The following COL15A1 variants were observed in gnomAD, a reference collection of about 807,000 sequenced individuals.
COL15A1 encodes collagen type XV alpha 1 chain, also known as collagen alpha-1(XV) chain.
A neutral mutation model predicts 165.9 loss-of-function variants in COL15A1; 111 were observed. That is an observed-to-expected ratio of 0.67 (90% CI 0.57 to 0.78). The LOEUF (loss-of-function observed/expected upper bound fraction) is 0.78, where lower values mean the gene tolerates loss of function less well. COL15A1 is among the 30% of genes least tolerant of loss of function. The pLI is 0.00. For missense variants in COL15A1, 1,745 were observed against 1,789.7 expected (o/e 0.98, Z 0.45); for synonymous variants, 659 against 674.8 (o/e 0.98, Z 0.36).
intron 22 of COL15A1, among the ~76,000 whole-genome samples, chr9:99,039,203 G>A (rs1482846213): frequency 6.6e-6 from 1 of 152,202 alleles, no homozygotes; most frequent in African/African-American, 2.4e-5. Context: ...GGATTATAAT[G>A]TATATAAGAA....
intron 17 of COL15A1, 88 bp from the exon 18 acceptor site, chr9:99,034,926 A>G: frequency 8.6e-7 from 1 of 1,159,264 alleles, no homozygotes; most frequent in South Asian, 1.2e-5. Flanking sequence ...ATTAACTTCA[A>G]GGAGTGATTT....
chr9:98,984,663 A>G (rs1454856001), intron 2 of COL15A1, among the ~76,000 whole-genome samples: 4 of 152,222 alleles, frequency 2.6e-5, no homozygotes, highest in Non-Finnish European at 5.9e-5. Flanking sequence ...GTCAAAGGCG[A>G]TGACAATGAC....
In COL15A1 at chr9:99,061,977, G is replaced by A. The variant is rs1485170398; in HGVS notation, c.3409G>A (p.Ala1137Thr). ...GLPGSRNLVT[A>T]FSNMDDMLQK... ...AATTTAAATGATCTGACAGGTCACA[G>A]CATTCAGCAACATGGATGACATGCT... Residue 1137 changes from alanine (A) to threonine (T), a missense_variant, in exon 37 of 42, where the codon GCA becomes ACA. Transcript: ENST00000375001. 1 of 1,612,464 alleles carries A rather than the reference G, an allele frequency of 6.2e-7. No homozygotes were observed. Among genetic ancestry groups the A allele is most frequent in the Non-Finnish European group, 8.5e-7 (1 of 1,179,510 alleles).
chr9:99,059,791 A>G (rs980043694), intron 35 of COL15A1, 98 bp from the exon 36 acceptor site: 3 of 1,329,928 alleles, frequency 2.3e-6, no homozygotes, highest in African/African-American at 2.9e-5. Flanking sequence ...GGCGCTGTGA[A>G]TGGGGTTGAA....
At chr9:99,035,480 G>T in intron 19 of COL15A1, 62 bp downstream of exon 19, 1 of 1,603,314 alleles carries the variant, frequency 6.2e-7, no homozygotes. Context: ...CAGTGAGGAA[G>T]CTGTGGGCTG....
intron 2 of COL15A1, 43 bp downstream of exon 2, chr9:98,944,293 C>T (rs562741376): frequency 2.5e-6 from 4 of 1,587,884 alleles, no homozygotes; most frequent in African/African-American, 1.3e-5. Context: ...GCCTCCGCGC[C>T]CGTGGGGGAA....
At chr9:98,973,858 G>A (rs1398300495) in intron 2 of COL15A1, among the ~76,000 whole-genome samples, 1 of 152,252 alleles carries the variant, frequency 6.6e-6, no homozygotes, top group Non-Finnish European at 1.5e-5. Context: ...CGGGAGACAA[G>A]GAGGAGGCAG....
chr9:99,040,380 C>A (rs919715737), intron 22 of COL15A1, 141 bp from the exon 23 acceptor site: 37 of 1,378,506 alleles, frequency 2.7e-5, no homozygotes, highest in African/African-American at 2.4e-4. Flanking sequence ...AGGGCCCCTT[C>A]TTCCCTAATG....
chr9:99,057,969 T>C (rs1825750982), intron 35 of COL15A1, among the ~76,000 whole-genome samples: 1 of 151,964 alleles, frequency 6.6e-6, no homozygotes. Context: ...GTACTGGGTG[T>C]GAAGGAGGGA....
intron 9 of COL15A1, among the ~76,000 whole-genome samples, chr9:99,013,995 C>A (rs1838888822): frequency 6.6e-6 from 1 of 152,112 alleles, no homozygotes; most frequent in Admixed American, 6.5e-5. Context: ...CCCTCTCTTG[C>A]AGCTGTGAGA....
chr9:99,050,790 G>A (rs375891030), intron 30 of COL15A1, among the ~76,000 whole-genome samples: 6 of 152,210 alleles, frequency 3.9e-5, no homozygotes, highest in East Asian at 1.9e-4. Context: ...AGGTGAGTTC[G>A]TAATTGATCC....
intron 38 of COL15A1, 137 bp from the exon 39 acceptor site, chr9:99,062,913 T>C: frequency 1.0e-6 from 1 of 991,432 alleles, no homozygotes; most frequent in East Asian, 3.1e-5. Flanking sequence ...TCTTTACAGT[T>C]AAGAGTCACA....
intron 6 of COL15A1, among the ~76,000 whole-genome samples, chr9:98,998,727 C>T (rs1838593011): frequency 6.6e-6 from 1 of 152,120 alleles, no homozygotes; most frequent in South Asian, 2.1e-4. Context: ...GAGGGCTTTC[C>T]TAGACTGAGA....
chr9:98,944,110 C>G, intron 1 of COL15A1, 38 bp downstream of exon 1: 1 of 1,614,158 alleles, frequency 6.2e-7, no homozygotes, highest in East Asian at 2.2e-5. Flanking sequence ...GTCCCGGGCC[C>G]CTCCAATACT....
intron 9 of COL15A1, among the ~76,000 whole-genome samples, chr9:99,010,982 A>G (rs966342156): frequency 6.7e-6 from 1 of 148,552 alleles, no homozygotes; most frequent in African/African-American, 2.5e-5. Flanking sequence ...TTTAAGATAA[A>G]ACATTTTTTT....
intron 40 of COL15A1, 42 bp from the exon 41 acceptor site, chr9:99,068,513 C>A: frequency 4.4e-6 from 3 of 684,456 alleles, no homozygotes; most frequent in Non-Finnish European, 2.3e-6. Context: ...CATTTGTAGG[C>A]TGATGGTATA....
At chr9:99,052,010 A>T (rs1468672535) in intron 30 of COL15A1, among the ~76,000 whole-genome samples, 1 of 152,224 alleles carries the variant, frequency 6.6e-6, no homozygotes, top group African/African-American at 2.4e-5. Context: ...ACTTGCTCGG[A>T]TGCTTGACCT....
At chr9:99,058,318 C>T (rs553903150) in intron 35 of COL15A1, among the ~76,000 whole-genome samples, 1 of 152,232 alleles carries the variant, frequency 6.6e-6, no homozygotes, top group Non-Finnish European at 1.5e-5. Flanking sequence ...ACCAGGAGGT[C>T]GGATCACATG....
At chr9:98,957,810 C>G (rs530759848) in intron 2 of COL15A1, among the ~76,000 whole-genome samples, 1 of 152,340 alleles carries the variant, frequency 6.6e-6, no homozygotes, top group South Asian at 2.1e-4. Context: ...TCTCAAGTAG[C>G]TGGGACTGCA....
Sources: allele counts gnomAD v4.1 joint callset (sites outside exome capture counted in the v4.1 genomes callset), GRCh38; gene constraint gnomAD v4.1.1; transcripts MANE v1.5; gene names NCBI Gene and HGNC (gene_info 2026-07-23, HGNC 2026-07-21).